The following ELOVL2 variants were observed in gnomAD, a reference collection of about 807,000 sequenced individuals.
ELOVL2 encodes very long chain fatty acid elongase 2.
ELOVL2 carries 38 observed loss-of-function variants against 37.7 expected under a neutral mutation model. The observed-to-expected ratio is 1.01, with a 90% confidence interval of 0.78 to 1.32. ELOVL2 has a LOEUF of 1.32. Among genes scored for constraint, ELOVL2 ranks in the 40% most tolerant of loss-of-function variants. The probability of loss-of-function intolerance (pLI) is 0.00; values close to 1 mark genes in which losing one functional copy is unlikely to be tolerated. For synonymous variants in ELOVL2, 115 were observed against 122.3 expected, an observed-to-expected ratio of 0.94 and a Z score of 0.40; for missense variants, 352 against 363.6, an observed-to-expected ratio of 0.97 and a Z score of 0.26.
chr6:11,005,971 A>C (rs1467790521), intron 2 of ELOVL2, among the ~76,000 whole-genome samples: 3 of 152,186 alleles, frequency 2.0e-5, no homozygotes, highest in Non-Finnish European at 4.4e-5. Flanking sequence ...CAGTACAGTC[A>C]GGATTTGAAC....
chr6:11,032,278 T>C (rs1782941507), intron 1 of ELOVL2, among the ~76,000 whole-genome samples: 1 of 150,492 alleles, frequency 6.6e-6, no homozygotes, highest in African/African-American at 2.4e-5. Context: ...GAACATATTC[T>C]CCTAATGGCT....
chr6:11,002,619 CAGTGGT>C (rs1474986352), intron 3 of ELOVL2, among the ~76,000 whole-genome samples: 2 of 152,192 alleles, frequency 1.3e-5, no homozygotes, highest in African/African-American at 4.8e-5. Flanking sequence ...TAGATAAAAT[CAGTGGT>C]AGGCAATGGG....
Position 11,005,387 on chromosome 6 carries a change from C to A in ELOVL2, c.240G>T (p.Ala80=). 1 of 1,613,150 alleles carries A rather than the reference C, an allele frequency of 6.2e-7. No individual in the cohort carries two copies. ...LYNLGITLLS[A]YMLAELILST... is the part of the protein sequence containing the mutation. ...AAACACTTACCTCTGCCAGCATGTA[C>A]GCGGAGAGAAGTGTGATTCCAAGAT... Residue 80 remains alanine (A), a synonymous_variant, in exon 3 of 8, where the codon GCG becomes GCT. Transcript: ENST00000354666.
At chr6:10,991,120 T>A (rs1782151436) in intron 5 of ELOVL2, among the ~76,000 whole-genome samples, 1 of 152,178 alleles carries the variant, frequency 6.6e-6, no homozygotes, top group Admixed American at 6.5e-5. Context: ...GCCTCCACCA[T>A]AGGTGAATAA....
intron 5 of ELOVL2, 32 bp downstream of exon 5, chr6:10,994,975 C>T: frequency 6.5e-7 from 1 of 1,541,722 alleles, no homozygotes; most frequent in South Asian, 1.3e-5. Flanking sequence ...AGAGCCATTC[C>T]TCAAAACGGA....
At chr6:10,985,081 T>A (rs1234145521) in intron 7 of ELOVL2, among the ~76,000 whole-genome samples, 3 of 152,186 alleles carry the variant, frequency 2.0e-5, no homozygotes, top group Non-Finnish European at 2.9e-5. Flanking sequence ...TGTTATCTCA[T>A]TGTGGTTTGG....
intron 1 of ELOVL2, among the ~76,000 whole-genome samples, chr6:11,032,557 T>G (rs922712138): frequency 6.6e-6 from 1 of 152,226 alleles, no homozygotes; most frequent in African/African-American, 2.4e-5. Flanking sequence ...TCTGTATGCA[T>G]GAATCTGCAT....
At chr6:11,006,070 G>A (rs1782478685) in intron 2 of ELOVL2, among the ~76,000 whole-genome samples, 2 of 152,166 alleles carry the variant, frequency 1.3e-5, no homozygotes, top group South Asian at 2.1e-4. Flanking sequence ...AAGGCATATC[G>A]ATACTGTATC....
At chr6:11,001,498 TAAGA>T (rs1782381368) in intron 3 of ELOVL2, among the ~76,000 whole-genome samples, 1 of 152,180 alleles carries the variant, frequency 6.6e-6, no homozygotes, top group Non-Finnish European at 1.5e-5. Context: ...TTTTTCAAAC[TAAGA>T]AAGCTGTTTA....
chr6:11,006,629 G>A (rs1782488415), intron 2 of ELOVL2, among the ~76,000 whole-genome samples: 1 of 152,038 alleles, frequency 6.6e-6, no homozygotes, highest in South Asian at 2.1e-4. Flanking sequence ...TAAACCACCC[G>A]CCCTACAGAG....
intron 1 of ELOVL2, among the ~76,000 whole-genome samples, chr6:11,016,242 G>A (rs1338969880): frequency 6.6e-6 from 1 of 151,218 alleles, no homozygotes; most frequent in Non-Finnish European, 1.5e-5. Context: ...TGGGCATTGT[G>A]TTGTATAAAA....
intron 1 of ELOVL2, chr6:11,015,653 G>C (rs1782672372): frequency 6.6e-6 from 1 of 152,142 alleles, no homozygotes; most frequent in Admixed American, 6.5e-5. Flanking sequence ...AAATCTGAGA[G>C]GGTCTTCTTG....
At chr6:11,011,954 G>A (rs537395509) in intron 1 of ELOVL2, among the ~76,000 whole-genome samples, 6 of 152,228 alleles carry the variant, frequency 3.9e-5, no homozygotes, top group East Asian at 3.9e-4. Context: ...TGACAGCCTC[G>A]GGAAGTTGAT....
intron 3 of ELOVL2, among the ~76,000 whole-genome samples, chr6:11,004,733 T>C (rs919300142): frequency 2.0e-5 from 3 of 152,240 alleles, no homozygotes; most frequent in African/African-American, 7.2e-5. Context: ...CACTGTCTAC[T>C]CTCAGGCAAA....
At chr6:10,989,617 C>T (rs1782109307) in intron 7 of ELOVL2, 86 bp downstream of exon 7, 2 of 1,366,322 alleles carry the variant, frequency 1.5e-6, no homozygotes, top group Admixed American at 1.9e-5. Flanking sequence ...CCAGCCTGGG[C>T]AATAAGAGCG....
chr6:11,011,102 C>T (rs886147940), intron 1 of ELOVL2, among the ~76,000 whole-genome samples: 1 of 152,118 alleles, frequency 6.6e-6, no homozygotes. Context: ...CGGTGTCTCA[C>T]ACCTGTAATC....
chr6:11,010,084 C>T (rs979867054), intron 2 of ELOVL2, among the ~76,000 whole-genome samples: 7 of 141,572 alleles, frequency 4.9e-5, no homozygotes, highest in Non-Finnish European at 9.1e-5. Context: ...AGTGTAGTGG[C>T]GCGATCTTGG....
Position 10,995,106 on chromosome 6 carries a change from G to C in ELOVL2, c.406C>G (p.Arg136Gly). 1 of 1,612,218 alleles carries C rather than the reference G, an allele frequency of 6.2e-7. No homozygotes were observed. Among genetic ancestry groups the C allele is most frequent in the Non-Finnish European group, 8.5e-7 (1 of 1,178,762 alleles). Reference sequence around the variant, plus strand: ...AAAGTAATCTGACTCGTTTTTTTCCGCAAAACGAAGAAAATTGTGTCCAGG... The same window carrying C: ...AAAGTAATCTGACTCGTTTTTTTCCCCAAAACGAAGAAAATTGTGTCCAGG... ...EFLDTIFFVL[R>G]KKTSQITFLH... Residue 136 changes from arginine to glycine, a missense_variant, in exon 5 of 8, where the codon CGG (arginine) becomes GGG (glycine). Transcript: ENST00000354666.
rs1428151995 is a variant in ELOVL2 at position 10,983,904 on chromosome 6, T to C, written c.768A>G (p.Thr256=). The C allele has an allele frequency of 1.2e-6, 2 of 1,611,356 alleles. No individual in the cohort carries two copies. Among genetic ancestry groups the C allele is most frequent in the South Asian group, 2.2e-5 (2 of 90,530 alleles). Reference sequence around the variant, plus strand: ...CTTTCTTCATTGGCTTTTTTCGGTATGTCTGTTGGATGTGTATATTTTGAA... The same window carrying C: ...CTTTCTTCATTGGCTTTTTTCGGTACGTCTGTTGGATGTGTATATTTTGAA... ...VILFLNFYVQ[T]YRKKPMKKDM... Residue 256 remains threonine, a splice_region_variant and synonymous_variant, in exon 8 of 8, where the codon ACA becomes ACG. Transcript: ENST00000354666.
Sources: allele counts gnomAD v4.1 joint callset (sites outside exome capture counted in the v4.1 genomes callset), GRCh38; gene constraint gnomAD v4.1.1; transcripts MANE v1.5; gene names NCBI Gene and HGNC (gene_info 2026-07-23, HGNC 2026-07-21).